ANK2: variants seen among roughly 807,000 people sequenced by gnomAD.
The protein encoded by ANK2 is ankyrin 2.
In ANK2, 83 loss-of-function variants were observed where a neutral mutation model predicts 360.5. The ratio of observed to expected loss-of-function variants is 0.23; its 90% CI spans 0.19 to 0.28. The LOEUF (loss-of-function observed/expected upper bound fraction) is 0.28, where lower values mean the gene tolerates loss of function less well. Among genes scored for constraint, ANK2 ranks in the 10% least tolerant of loss-of-function variants. The probability of loss-of-function intolerance (pLI) is 1.00; values close to 1 mark genes in which losing one functional copy is unlikely to be tolerated. For synonymous variants in ANK2, 1,740 were observed against 1,759.5 expected, an observed-to-expected ratio of 0.99 and a Z score of 0.28; for missense variants, 4,201 against 4,795.7, an observed-to-expected ratio of 0.88 and a Z score of 3.66.
At chr4:112,882,763 G>A (rs559355004) in intron 1 of ANK2, among the ~76,000 whole-genome samples, 1 of 151,820 alleles carries the variant, frequency 6.6e-6, no homozygotes, top group Admixed American at 6.6e-5. Context: ...CTTACCGTAG[G>A]CAGATAATAT....
the ANK2 span, among the ~76,000 whole-genome samples, chr4:112,810,190 T>A: frequency 1.0e-4 from 13 of 128,162 alleles, no homozygotes; most frequent in Non-Finnish European, 2.0e-4. Flanking sequence ...TTTGTAGCAA[T>A]GGGGTTTCAC....
chr4:112,813,194 C>T (rs1206313647), upstream of ANK2, among the ~76,000 whole-genome samples: 1 of 147,134 alleles, frequency 6.8e-6, no homozygotes, highest in Non-Finnish European at 1.5e-5. Flanking sequence ...GCCAAGACTG[C>T]ACCACTGCAC....
At chr4:112,991,665 A>G (rs1385907336) in intron 2 of ANK2, among the ~76,000 whole-genome samples, 5 of 147,920 alleles carry the variant, frequency 3.4e-5, no homozygotes, top group African/African-American at 1.0e-4. Flanking sequence ...AATTTTCCAA[A>G]TCTTCAATTT....
chr4:112,715,505 C>G, the ANK2 span, among the ~76,000 whole-genome samples: 1 of 152,288 alleles, frequency 6.6e-6, no homozygotes, highest in East Asian at 1.9e-4. Context: ...CAGGACTTAG[C>G]ACGTTATTTT....
intron 34 of ANK2, among the ~76,000 whole-genome samples, chr4:113,344,605 A>T (rs1050539636): frequency 1.2e-4 from 18 of 152,178 alleles, no homozygotes; most frequent in Admixed American, 1.2e-3. Context: ...TCTTAGCAGC[A>T]TTAGCCATGG....
chr4:113,135,891 T>C lies in ANK2; in HGVS notation c.85-38525T>C, dbSNP rs914674162. Among the ~76,000 whole-genome samples the C allele has an allele frequency of 4.6e-5, 7 of 152,280 alleles. No individual in the cohort carries two copies. In the South Asian group the frequency reaches 1.2e-3, roughly 27 times the overall value. The stretch of plus-strand genomic sequence containing the variant: ...GTGACCAAAACAAAATCATTTTTAA[T>C]GGTAATTGGATAAATGACTGCAGAT... On this transcript the variant is annotated intron_variant, in intron 1 of 45. Transcript: ENST00000357077.
intron 1 of ANK2, among the ~76,000 whole-genome samples, chr4:112,842,515 A>G (rs72908832): frequency 0.023 from 3,561 of 152,300 alleles, 121 homozygotes; most frequent in African/African-American, 0.08. Flanking sequence ...GGGGCGAAGA[A>G]TGGCTTCAGG....
Position 113,353,382 on chromosome 4 carries a change from T to C in ANK2, c.4764T>C (p.Val1588=). 6.2e-7 allele frequency: 1 copy of C among 1,613,978 alleles called. No homozygotes were observed. The highest frequency in any genetic ancestry group is 8.5e-7 in the Non-Finnish European group (1 of 1,179,956). Reference sequence around the variant, plus strand: ...GCTCTCGGTCTGAGAGAGGATTAGTTGAAGAGGAATGGGTTATTGTCAGTG... The same window carrying C: ...GCTCTCGGTCTGAGAGAGGATTAGTCGAAGAGGAATGGGTTATTGTCAGTG... The part of the protein sequence containing the change: ...VQSSRSERGL[V]EEEWVIVSDE... The change falls in exon 38 of 46, where the codon GTT becomes GTC. Residue 1588 remains valine, a synonymous_variant. Transcript: ENST00000357077.
chr4:113,117,027 A>G (rs1179442704), intron 1 of ANK2: 1 of 323,372 alleles, frequency 3.1e-6, no homozygotes, highest in Non-Finnish European at 6.1e-6. Flanking sequence ...GTGCACACCT[A>G]TGCCTGTGTG....
At chr4:113,333,642 A>T (rs1460453672) in intron 29 of ANK2, among the ~76,000 whole-genome samples, 1 of 152,216 alleles carries the variant, frequency 6.6e-6, no homozygotes, top group African/African-American at 2.4e-5. Context: ...AAAAAGTGTT[A>T]AGCTACTGTG....
At chr4:113,326,850 C>G (rs2090218698) in intron 26 of ANK2, among the ~76,000 whole-genome samples, 1 of 151,992 alleles carries the variant, frequency 6.6e-6, no homozygotes, top group South Asian at 2.1e-4. Flanking sequence ...AACAAACAAA[C>G]AAACATTAGC....
At chr4:113,367,219 G>C (rs2096569056) in intron 41 of ANK2, among the ~76,000 whole-genome samples, 8 of 152,104 alleles carry the variant, frequency 5.3e-5, no homozygotes, top group Admixed American at 4.6e-4. Flanking sequence ...TGCTTTGACT[G>C]TCTCAGTCAA....
intron 45 of ANK2, among the ~76,000 whole-genome samples, chr4:113,374,149 C>G (rs1461877755): frequency 3.9e-5 from 6 of 152,196 alleles, no homozygotes; most frequent in Admixed American, 3.9e-4. Flanking sequence ...GTCTCGAACT[C>G]CTGACCTCAA....
chr4:112,750,604 G>A, the ANK2 span, among the ~76,000 whole-genome samples: 1 of 152,122 alleles, frequency 6.6e-6, no homozygotes, highest in Non-Finnish European at 1.5e-5. Flanking sequence ...AATGAGAGGC[G>A]AGTCCCTTGA....
intron 2 of ANK2, among the ~76,000 whole-genome samples, chr4:113,007,609 T>C (rs1367382725): frequency 6.6e-6 from 1 of 152,114 alleles, no homozygotes; most frequent in Non-Finnish European, 1.5e-5. Flanking sequence ...CCACATCACA[T>C]TAAATTTAAG....
rs551241156 is a variant in ANK2, at chr4:113,213,959, T to A, written c.384+14850T>A. ...CGACAAAATGCTGTTTTATTTATTT[T>A]TTTTTTTTATTTTTTTTTTAAGTAC... On this transcript the variant is annotated intron_variant, in intron 4 of 45. Coordinates refer to ENST00000357077, the MANE Select transcript of ANK2 (RefSeq NM_001148.6). 2,429 of 489,220 alleles carry A rather than the reference T, an allele frequency of 5.0e-3. 321 individuals carry two copies. Among genetic ancestry groups the A allele is most frequent in the Non-Finnish European group, 3.9e-3 (1,201 of 305,840 alleles). The allele number at this position is 489,220 out of a possible 1,614,324, so 30.3% of individuals were successfully genotyped here. A position where few individuals can be genotyped will look rare whatever the true frequency, so the allele number is the denominator to read the frequency against.
At chr4:113,074,052 T>C (rs1580812162) in intron 1 of ANK2, among the ~76,000 whole-genome samples, 1 of 152,198 alleles carries the variant, frequency 6.6e-6, no homozygotes, top group African/African-American at 2.4e-5. Context: ...GGCAGATGAG[T>C]TGAGGAAAAT....
intron 1 of ANK2, among the ~76,000 whole-genome samples, chr4:113,088,557 A>C (rs2086052928): frequency 6.6e-6 from 1 of 152,156 alleles, no homozygotes; most frequent in African/African-American, 2.4e-5. Flanking sequence ...TATGTAACAA[A>C]GCTTGAAAAC....
intron 4 of ANK2, among the ~76,000 whole-genome samples, chr4:113,226,200 C>G (rs755430632): frequency 6.6e-6 from 1 of 152,152 alleles, no homozygotes. Flanking sequence ...CCCCATTCCT[C>G]GCCAAGTAAT....
Sources: gnomAD v4.1 joint callset for allele counts (sites outside exome capture counted in the v4.1 genomes callset) on GRCh38, gnomAD v4.1.1 for gene constraint, MANE v1.5 for transcripts, NCBI Gene and HGNC (gene_info 2026-07-23, HGNC 2026-07-21) for gene names.